Variants in H4C7 observed in about 807,000 individuals in gnomAD.
H4C7 encodes the protein H4 clustered histone 7.
A neutral mutation model predicts 5.2 loss-of-function variants in H4C7; 7 were observed. The ratio of observed to expected loss-of-function variants is 1.34; its 90% CI spans 0.76 to 2.52. H4C7 has a LOEUF of 2.52. H4C7 is among the 30% of genes most tolerant of loss of function. The probability of loss-of-function intolerance (pLI) is 0.00; values close to 1 mark genes in which losing one functional copy is unlikely to be tolerated. For synonymous variants in H4C7, 69 were observed against 57.5 expected, an observed-to-expected ratio of 1.20 and a Z score of -0.90; for missense variants, 148 against 138.4, an observed-to-expected ratio of 1.07 and a Z score of -0.35.
Position 26,246,708 on chromosome 6 carries a change from CACGTAGACCACGGCCATGGCGGTG to C in H4C7, c.246_269del (p.Thr83_Val90del). On this transcript the variant is annotated inframe_deletion, in exon 1 of 1. Transcript: ENST00000611444. ...ACAGGGTTCTTCCCTGGCGTTTGAG[CACGTAGACCACGGCCATGGCGGTG>C]ACCGTCTTGCGCTTGGCGTGCTCCG... 6.2e-7 allele frequency: 1 copy of C among 1,601,888 alleles called. No individual in the cohort carries two copies. The highest frequency in any genetic ancestry group is 8.5e-7 in the Non-Finnish European group (1 of 1,170,304).
Position 26,246,671 on chromosome 6 carries a change from C to A in H4C7, c.*10G>T. ...AAGGAAAGGCCTGGCCTCACTTAACCGCCAAAGCCTTACAGGGTTCTTCCC... is the reference window on the plus strand; with the variant it reads ...AAGGAAAGGCCTGGCCTCACTTAACAGCCAAAGCCTTACAGGGTTCTTCCC... On this transcript the variant is annotated 3_prime_UTR_variant, in exon 1 of 1. Transcript: ENST00000611444. The A allele has an allele frequency of 6.4e-7, 1 of 1,563,564 alleles. No homozygotes were observed.
Position 26,246,686 on chromosome 6 carries a change from G to A in H4C7, c.292C>T (p.Leu98=). The A allele has an allele frequency of 1.9e-6, 3 of 1,588,884 alleles. No individual in the cohort carries two copies. Among genetic ancestry groups the A allele is most frequent in the Non-Finnish European group, 2.6e-6 (3 of 1,161,934 alleles). The change falls in exon 1 of 1, where the codon CTG becomes TTG. Residue 98 remains leucine, a synonymous_variant. Transcript: ENST00000611444. ...VYVLKRQGRT[L] is the part of the protein sequence containing the mutation. Reference sequence around the variant, plus strand: ...CTCACTTAACCGCCAAAGCCTTACAGGGTTCTTCCCTGGCGTTTGAGCACG... The same window carrying A: ...CTCACTTAACCGCCAAAGCCTTACAAGGTTCTTCCCTGGCGTTTGAGCACG...
Position 26,246,901 on chromosome 6 carries a change from T to C in H4C7, c.77A>G (p.Asn26Ser). ...AKCHRKVLSDNIQGITKCTIR... is the reference protein window; with the variant it reads ...AKCHRKVLSDSIQGITKCTIR... The stretch of plus-strand genomic sequence containing the variant: ...AGTGCACTTGGTAATGCCCTGAATA[T>C]TATCGCTCAGTACCTTGCGATGGCA... Residue 26 changes from asparagine to serine, a missense_variant, in exon 1 of 1, where the codon AAT (asparagine) becomes AGT (serine). Asn to Ser is a conservative substitution (Grantham distance 46). Transcript: ENST00000611444. The C allele has an allele frequency of 6.2e-7, 1 of 1,614,140 alleles. No individual in the cohort carries two copies. Among genetic ancestry groups the C allele is most frequent in the Non-Finnish European group, 8.5e-7 (1 of 1,180,000 alleles).
At position 26,246,900 on chromosome 6, in the gene H4C7, A is replaced by G. The variant is rs202075617; in HGVS notation, c.78T>C (p.Asn26=). 60 of 1,614,124 alleles carry G rather than the reference A, an allele frequency of 3.7e-5. No homozygotes were observed. In the African/African-American group the frequency reaches 7.6e-4, roughly 20 times the overall value. The part of the protein sequence containing the change: ...AKCHRKVLSD[N]IQGITKCTIR... The stretch of plus-strand genomic sequence containing the variant: ...TAGTGCACTTGGTAATGCCCTGAAT[A>G]TTATCGCTCAGTACCTTGCGATGGC... Residue 26 remains asparagine (N), a synonymous_variant, in exon 1 of 1, where the codon AAT becomes AAC. Transcript: ENST00000611444.
At position 26,246,730 on chromosome 6, in the gene H4C7, G is replaced by A; in HGVS notation, c.248C>T (p.Thr83Ile). 1 of 1,610,302 alleles carries A rather than the reference G, an allele frequency of 6.2e-7. No homozygotes were observed. The highest frequency in any genetic ancestry group is 8.5e-7 in the Non-Finnish European group (1 of 1,176,828). The change falls in exon 1 of 1, where the codon ACC (threonine) becomes ATC (isoleucine). Residue 83 changes from threonine to isoleucine, a missense_variant. Coordinates refer to ENST00000611444, the MANE Select transcript of H4C7 (RefSeq NM_003547.3). Reference protein sequence around the residue: ...NTEHAKRKTVTAMAVVYVLKR... With the variant: ...NTEHAKRKTVIAMAVVYVLKR... Reference sequence around the variant, plus strand: ...GAGCACGTAGACCACGGCCATGGCGGTGACCGTCTTGCGCTTGGCGTGCTC... The same window carrying A: ...GAGCACGTAGACCACGGCCATGGCGATGACCGTCTTGCGCTTGGCGTGCTC...
rs191108159 is a variant in H4C7 at position 26,246,671 on chromosome 6, C to T, written c.*10G>A. ...AAGGAAAGGCCTGGCCTCACTTAACCGCCAAAGCCTTACAGGGTTCTTCCC... is the reference window on the plus strand; with the variant it reads ...AAGGAAAGGCCTGGCCTCACTTAACTGCCAAAGCCTTACAGGGTTCTTCCC... On this transcript the variant is annotated 3_prime_UTR_variant, in exon 1 of 1. Transcript: ENST00000611444. 3.9e-3 allele frequency: 6,163 copies of T among 1,563,554 alleles called. 15 individuals carry two copies. Among genetic ancestry groups the T allele is most frequent in the Middle Eastern group, 5.1e-3 (30 of 5,838 alleles).
chr6:26,246,934 C>G lies in H4C7; in HGVS notation c.44G>C (p.Gly15Ala), dbSNP rs1300213506. The G allele has an allele frequency of 6.2e-7, 1 of 1,603,336 alleles. No individual in the cohort carries two copies. Among genetic ancestry groups the G allele is most frequent in the Non-Finnish European group, 8.5e-7 (1 of 1,171,002 alleles). The change falls in exon 1 of 1, where the codon GGT (glycine) becomes GCT (alanine). Residue 15 changes from glycine to alanine, a missense_variant. Coordinates refer to ENST00000611444, the MANE Select transcript of H4C7 (RefSeq NM_003547.3). ...GKAGKGLGKG[G>A]AKCHRKVLSD... ...CAGTACCTTGCGATGGCACTTGGCA[C>G]CGCCTTTCCCAAGGCCTTTTCCGGC... is the stretch of plus-strand genomic sequence containing the variant.
rs769132574 is a variant in H4C7, at chr6:26,246,913, A to G, written c.65T>C (p.Val22Ala). Residue 22 changes from valine to alanine, a missense_variant, in exon 1 of 1, where the codon GTA becomes GCA. By Grantham distance (64) the Val-to-Ala change is moderately conservative. Coordinates refer to ENST00000611444, the MANE Select transcript of H4C7 (RefSeq NM_003547.3). Reference sequence around the variant, plus strand: ...AATGCCCTGAATATTATCGCTCAGTACCTTGCGATGGCACTTGGCACCGCC... The same window carrying G: ...AATGCCCTGAATATTATCGCTCAGTGCCTTGCGATGGCACTTGGCACCGCC... The part of the protein sequence containing the change: ...GKGGAKCHRK[V>A]LSDNIQGITK... 1.2e-6 allele frequency: 2 copies of G among 1,609,360 alleles called. No individual in the cohort carries two copies. Among genetic ancestry groups the G allele is most frequent in the Non-Finnish European group, 1.7e-6 (2 of 1,176,104 alleles).
chr6:26,246,856 T>C lies in H4C7; in HGVS notation c.122A>G (p.His41Arg). The change falls in exon 1 of 1, where the codon CAT (histidine) becomes CGT (arginine). Residue 41 changes from histidine (H) to arginine (R), a missense_variant. Physicochemically the swap from His to Arg is conservative, Grantham distance 29. Transcript: ENST00000611444. ...GCCCAAGATGCGCTTGACACCGCCA[T>C]GCCGGGCCAAGCGCCGGATAGTGCA... is the stretch of plus-strand genomic sequence containing the variant. ...TKCTIRRLAR[H>R]GGVKRILGLI... 1 of 1,614,186 alleles carries C rather than the reference T, an allele frequency of 6.2e-7. No homozygotes were observed. The highest frequency in any genetic ancestry group is 1.3e-5 in the African/African-American group (1 of 75,062).
In H4C7 at chr6:26,246,991, G is replaced by A. The variant is rs1229319344; in HGVS notation, c.-14C>T. The A allele has an allele frequency of 6.4e-7, 1 of 1,567,888 alleles. No homozygotes were observed. Among genetic ancestry groups the A allele is most frequent in the African/African-American group, 1.4e-5 (1 of 73,364 alleles). On this transcript the variant is annotated 5_prime_UTR_variant, in exon 1 of 1. Transcript: ENST00000611444. ...CCGAACAGACATGATAAACAAGTCA[G>A]AACTATCTCTAAACAAAACGATTAC...
rs777758055 is a variant in H4C7, at chr6:26,246,896, G to A, written c.82C>T (p.Gln28Ter). The A allele has an allele frequency of 2.5e-6, 4 of 1,614,058 alleles. No individual in the cohort carries two copies. The highest frequency in any genetic ancestry group is 3.4e-6 in the Non-Finnish European group (4 of 1,180,028). The change falls in exon 1 of 1, where the codon CAG becomes TAG. Residue 28 changes from glutamine to a stop codon, truncating the protein, a stop_gained. Transcript: ENST00000611444. LOFTEE classifies it high-confidence loss of function. Reference sequence around the variant, plus strand: ...CGGATAGTGCACTTGGTAATGCCCTGAATATTATCGCTCAGTACCTTGCGA... The same window carrying A: ...CGGATAGTGCACTTGGTAATGCCCTAAATATTATCGCTCAGTACCTTGCGA... Reference protein sequence around the residue: ...CHRKVLSDNIQGITKCTIRRL... With the variant: ...CHRKVLSDNI
rs531223338 is a variant in H4C7 at position 26,246,843 on chromosome 6, C to T, written c.135G>A (p.Lys45=). ...IRRLARHGGV[K]RILGLIYEET... ...CCTCATAAATGAGGCCCAAGATGCG[C>T]TTGACACCGCCATGCCGGGCCAAGC... The change falls in exon 1 of 1, where the codon AAG becomes AAA. Residue 45 remains lysine (K), a synonymous_variant. Coordinates refer to ENST00000611444, the MANE Select transcript of H4C7 (RefSeq NM_003547.3). The T allele has an allele frequency of 2.5e-6, 4 of 1,614,162 alleles. No homozygotes were observed. The African/African-American group carries it at 4.0e-5, about 16-fold the overall frequency.
chr6:26,246,886 G>T lies in H4C7; in HGVS notation c.92C>A (p.Thr31Asn), dbSNP rs758396686. The change falls in exon 1 of 1, where the codon ACC becomes AAC. Residue 31 changes from threonine to asparagine, a missense_variant. Physicochemically the swap from Thr to Asn is moderately conservative, Grantham distance 65. Coordinates refer to ENST00000611444, the MANE Select transcript of H4C7 (RefSeq NM_003547.3). ...GGCCAAGCGCCGGATAGTGCACTTG[G>T]TAATGCCCTGAATATTATCGCTCAG... ...KVLSDNIQGI[T>N]KCTIRRLARH... 6.2e-7 allele frequency: 1 copy of T among 1,614,186 alleles called. No individual in the cohort carries two copies. Among genetic ancestry groups the T allele is most frequent in the Non-Finnish European group, 8.5e-7 (1 of 1,180,032 alleles).
rs1245617452 is a variant in H4C7 at position 26,246,929 on chromosome 6, TG to T, written c.48del (p.Lys17SerfsTer7). 17 of 1,604,430 alleles carry T rather than the reference TG, an allele frequency of 1.1e-5. No homozygotes were observed. Among genetic ancestry groups the T allele is most frequent in the Non-Finnish European group, 1.4e-5 (16 of 1,171,872 alleles). ...KAGKGLGKGGAKCHRKVLSDN... is the reference protein window; with the variant it reads ...KAGKGLGKGGXKCHRKVLSDN... Reference sequence around the variant, plus strand: ...TCGCTCAGTACCTTGCGATGGCACTTGGCACCGCCTTTCCCAAGGCCTTTTC... The same window carrying T: ...TCGCTCAGTACCTTGCGATGGCACTTGCACCGCCTTTCCCAAGGCCTTTTC... On this transcript the variant is annotated frameshift_variant, in exon 1 of 1. Coordinates refer to ENST00000611444, the MANE Select transcript of H4C7 (RefSeq NM_003547.3). LOFTEE classifies it high-confidence loss of function.
chr6:26,246,878 T>G lies in H4C7; in HGVS notation c.100A>C (p.Thr34Pro). 6.2e-7 allele frequency: 1 copy of G among 1,614,204 alleles called. No individual in the cohort carries two copies. Among genetic ancestry groups the G allele is most frequent in the African/African-American group, 1.3e-5 (1 of 75,070 alleles). The stretch of plus-strand genomic sequence containing the variant: ...CCATGCCGGGCCAAGCGCCGGATAG[T>G]GCACTTGGTAATGCCCTGAATATTA... ...SDNIQGITKCTIRRLARHGGV... is the reference protein window; with the variant it reads ...SDNIQGITKCPIRRLARHGGV... The change falls in exon 1 of 1, where the codon ACT (threonine) becomes CCT (proline). Residue 34 changes from threonine to proline, a missense_variant. Coordinates refer to ENST00000611444, the MANE Select transcript of H4C7 (RefSeq NM_003547.3).
rs1210766586 is a variant in H4C7, at chr6:26,246,794, A to C, written c.184T>G (p.Phe62Val). 3 of 1,613,962 alleles carry C rather than the reference A, an allele frequency of 1.9e-6. No individual in the cohort carries two copies. Among genetic ancestry groups the C allele is most frequent in the Non-Finnish European group, 2.5e-6 (3 of 1,180,010 alleles). ...GCGTACCAGATCACATTTTCCAGGA[A>C]CACCTTGAACACCCGGCGGGTCTCC... ...YEETRRVFKV[F>V]LENVIWYAVT... Residue 62 changes from phenylalanine to valine, a missense_variant, in exon 1 of 1, where the codon TTC (phenylalanine) becomes GTC (valine). Transcript: ENST00000611444.
rs1019581035 is a variant in H4C7, at chr6:26,246,685, A to G, written c.293T>C (p.Leu98Pro). The change falls in exon 1 of 1, where the codon CTG becomes CCG. Residue 98 changes from leucine to proline, a missense_variant. Transcript: ENST00000611444. Reference protein sequence around the residue: ...VYVLKRQGRTL With the variant: ...VYVLKRQGRTP ...CCTCACTTAACCGCCAAAGCCTTAC[A>G]GGGTTCTTCCCTGGCGTTTGAGCAC... 1.3e-6 allele frequency: 2 copies of G among 1,586,836 alleles called. No homozygotes were observed. Among genetic ancestry groups the G allele is most frequent in the Non-Finnish European group, 1.7e-6 (2 of 1,160,760 alleles).
Position 26,246,970 on chromosome 6 carries a change from A to G in H4C7, c.8T>C (p.Val3Ala), listed in dbSNP as rs41266821. The change falls in exon 1 of 1, where the codon GTT (valine) becomes GCT (alanine). Residue 3 changes from valine to alanine, a missense_variant. Val to Ala is a moderately conservative substitution (Grantham distance 64, BLOSUM62 0). Transcript: ENST00000611444. The stretch of plus-strand genomic sequence containing the variant: ...AAGGCCTTTTCCGGCCTTGCCCCGA[A>G]CAGACATGATAAACAAGTCAGAACT... MS[V>A]RGKAGKGLGK... is the part of the protein sequence containing the mutation. The G allele has an allele frequency of 0.12, 191,940 of 1,589,796 alleles. 12,351 individuals are homozygous for G. The highest frequency in any genetic ancestry group is 0.16 in the Middle Eastern group (922 of 5,924).
rs1325607557 is a variant in H4C7 at position 26,246,739 on chromosome 6, T to C, written c.239A>G (p.Lys80Arg). 6.2e-7 allele frequency: 1 copy of C among 1,612,840 alleles called. No homozygotes were observed. The highest frequency in any genetic ancestry group is 8.5e-7 in the Non-Finnish European group (1 of 1,178,910). Residue 80 changes from lysine to arginine, a missense_variant, in exon 1 of 1, where the codon AAG becomes AGG. Lys to Arg is a conservative substitution (Grantham distance 26, BLOSUM62 2). Coordinates refer to ENST00000611444, the MANE Select transcript of H4C7 (RefSeq NM_003547.3). ...AVTNTEHAKR[K>R]TVTAMAVVYV... is the part of the protein sequence containing the mutation. ...GACCACGGCCATGGCGGTGACCGTC[T>C]TGCGCTTGGCGTGCTCCGTGTTGGT...
Sources: allele counts gnomAD v4.1 joint callset, GRCh38; gene constraint gnomAD v4.1.1; transcripts MANE v1.5; gene names NCBI Gene and HGNC (gene_info 2026-07-23, HGNC 2026-07-21).